Variants in BTRC observed in about 807,000 individuals in gnomAD.
The protein encoded by BTRC is F-box/WD repeat-containing protein 1A.
In BTRC, 42 loss-of-function variants were observed where a neutral mutation model predicts 85.5. The observed-to-expected ratio is 0.49, with a 90% CI of 0.38 to 0.64. The LOEUF is 0.64. BTRC is among the 30% of genes least tolerant of loss of function. The probability of loss-of-function intolerance (pLI) is 0.00; values close to 1 mark genes in which losing one functional copy is unlikely to be tolerated. For missense variants in BTRC, 594 were observed against 743.5 expected, an observed-to-expected ratio of 0.80 and a Z score of 2.34; for synonymous variants, 255 against 263.3, an observed-to-expected ratio of 0.97 and a Z score of 0.30.
At chr10:101,471,633 A>C (rs1275138762) in intron 3 of BTRC, among the ~76,000 whole-genome samples, 1 of 152,180 alleles carries the variant, frequency 6.6e-6, no homozygotes, top group Admixed American at 6.5e-5. Flanking sequence ...TCTGTTTTCT[A>C]AAAGCACTTG....
chr10:101,429,418 C>G (rs1318181631), intron 1 of BTRC, among the ~76,000 whole-genome samples: 1 of 151,846 alleles, frequency 6.6e-6, no homozygotes, highest in Non-Finnish European at 1.5e-5. Flanking sequence ...TATATATGTA[C>G]ATTCTTAGGT....
chr10:101,394,877 G>A (rs1475353093), intron 1 of BTRC, among the ~76,000 whole-genome samples: 1 of 152,146 alleles, frequency 6.6e-6, no homozygotes, highest in Non-Finnish European at 1.5e-5. Flanking sequence ...TCTGCTTATA[G>A]CGGACAGCCC....
chr10:101,476,036 A>G (rs1052324374), intron 3 of BTRC, among the ~76,000 whole-genome samples: 2 of 150,172 alleles, frequency 1.3e-5, no homozygotes, highest in African/African-American at 4.9e-5. Flanking sequence ...CAAGGCTAAC[A>G]TCACCAGAAA....
intron 4 of BTRC, among the ~76,000 whole-genome samples, chr10:101,497,576 C>T (rs1347606231): frequency 2.6e-5 from 4 of 152,030 alleles, no homozygotes; most frequent in East Asian, 1.9e-4. Context: ...CATGGTGGTG[C>T]GCACCTGTAG....
At chr10:101,392,229 T>C (rs1589415440) in intron 1 of BTRC, among the ~76,000 whole-genome samples, 1 of 152,172 alleles carries the variant, frequency 6.6e-6, no homozygotes, top group Non-Finnish European at 1.5e-5. Flanking sequence ...CTGCCCGCCT[T>C]GGCCTCCCAA....
At chr10:101,389,351 A>C (rs552357603) in intron 1 of BTRC, among the ~76,000 whole-genome samples, 75 of 151,540 alleles carry the variant, frequency 4.9e-4, no homozygotes, top group African/African-American at 1.6e-3. Flanking sequence ...GGTTATTATC[A>C]TTTCTTTTAT....
chr10:101,532,256 G>A, intron 7 of BTRC, 39 bp from the exon 8 acceptor site: 1 of 1,579,842 alleles, frequency 6.3e-7, no homozygotes, highest in Non-Finnish European at 8.6e-7. Context: ...GATTCTAGGT[G>A]TTTCCTAACA....
At chr10:101,383,006 AC>A (rs1186114153) in intron 1 of BTRC, among the ~76,000 whole-genome samples, 1 of 151,820 alleles carries the variant, frequency 6.6e-6, no homozygotes, top group East Asian at 1.9e-4. Flanking sequence ...GCTTTTTGTA[AC>A]AAAAAGTATG....
At chr10:101,375,819 C>T (rs2133949929) in intron 1 of BTRC, among the ~76,000 whole-genome samples, 1 of 152,272 alleles carries the variant, frequency 6.6e-6, no homozygotes, top group South Asian at 2.1e-4. Context: ...ACTTGGTACG[C>T]CTAAAAAATT....
intron 13 of BTRC, among the ~76,000 whole-genome samples, chr10:101,546,507 T>C (rs567098371): frequency 6.6e-6 from 1 of 152,178 alleles, no homozygotes; most frequent in East Asian, 1.9e-4. Context: ...TAAATAAAAA[T>C]GAAAACACAG....
At chr10:101,402,528 T>C (rs1423313753) in intron 1 of BTRC, among the ~76,000 whole-genome samples, 1 of 152,210 alleles carries the variant, frequency 6.6e-6, no homozygotes, top group Non-Finnish European at 1.5e-5. Flanking sequence ...TTTAAAGGGA[T>C]TCTCATCCCT....
At chr10:101,532,750 ATGTGTGTGTGTGTGTGTGTG>A (rs71643587) in intron 8 of BTRC, among the ~76,000 whole-genome samples, 182 bp from the exon 9 acceptor site, 1 of 102,186 alleles carries the variant, frequency 9.8e-6, no homozygotes, top group Non-Finnish European at 1.9e-5. Context: ...CTGAAGCTAT[ATGTGTGTGTGTGTGTGTGTG>A]TGTGTGTGTG....
At chr10:101,407,088 T>C (rs1398034610) in intron 1 of BTRC, among the ~76,000 whole-genome samples, 2 of 152,156 alleles carry the variant, frequency 1.3e-5, no homozygotes, top group African/African-American at 4.8e-5. Context: ...CTGGGCAAGG[T>C]GGCTCATGCT....
chr10:101,534,412 A>G (rs2062352710), intron 9 of BTRC, among the ~76,000 whole-genome samples: 1 of 152,200 alleles, frequency 6.6e-6, no homozygotes, highest in African/African-American at 2.4e-5. Context: ...GAGAAGTTTT[A>G]CAGTCTTCAA....
At chr10:101,470,058 A>G (rs1055133988) in intron 3 of BTRC, among the ~76,000 whole-genome samples, 2 of 152,192 alleles carry the variant, frequency 1.3e-5, no homozygotes, top group African/African-American at 4.8e-5. Context: ...TTTGGTGAGC[A>G]TATGTTAAGT....
At position 101,517,669 on chromosome 10, in the gene BTRC, C is replaced by T. The variant is rs138902161; in HGVS notation, c.325-3970C>T. On this transcript the variant is annotated intron_variant, in intron 4 of 14. Transcript: ENST00000370187. Reference sequence around the variant, plus strand: ...TTTGTGATTATCCTTTAAAGAAATACTTTCTTCAGAGTAGCAAAAGTTTCT... The same window carrying T: ...TTTGTGATTATCCTTTAAAGAAATATTTTCTTCAGAGTAGCAAAAGTTTCT... Among the ~76,000 whole-genome samples the T allele has an allele frequency of 1.6e-3, 242 of 152,278 alleles. 6 individuals carry two copies. The East Asian group carries it at 0.039, about 25-fold the overall frequency.
At chr10:101,532,607 A>G (rs894962340) in intron 8 of BTRC, among the ~76,000 whole-genome samples, 175 bp downstream of exon 8, 4 of 152,310 alleles carry the variant, frequency 2.6e-5, no homozygotes, top group East Asian at 1.9e-4. Flanking sequence ...CAGCTTCCCC[A>G]CTATACAAAC....
intron 2 of BTRC, among the ~76,000 whole-genome samples, chr10:101,451,577 A>T (rs1323171721): frequency 6.6e-6 from 1 of 152,168 alleles, no homozygotes; most frequent in African/African-American, 2.4e-5. Flanking sequence ...GTGTTTTAAG[A>T]ATGTGTGCTG....
At position 101,367,053 on chromosome 10, in the gene BTRC, T is replaced by TAA. The variant is rs1564730933; in HGVS notation, c.48+12826_48+12827insAA. On this transcript the variant is annotated intron_variant, in intron 1 of 14. Coordinates refer to ENST00000370187, the MANE Select transcript of BTRC (RefSeq NM_033637.4). Reference sequence around the variant, plus strand: ...ATATTTATATATATAAATATATATATATATAAATATAAATATATATATATA... The same window carrying TAA: ...ATATTTATATATATAAATATATATATAAATATAAATATAAATATATATATATA... 1.9e-4 allele frequency among the ~76,000 whole-genome samples: 14 copies of TAA among 74,134 alleles called. 1 individual carries two copies. The highest frequency in any genetic ancestry group is 5.3e-4 in the African/African-American group (13 of 24,390). 48.6% of individuals were successfully genotyped at this position (74,134 alleles called of 152,430 possible). A position where few individuals can be genotyped will look rare whatever the true frequency, so the allele number is the denominator to read the frequency against.
Sources: gnomAD v4.1 joint callset for allele counts (sites outside exome capture counted in the v4.1 genomes callset) on GRCh38, gnomAD v4.1.1 for gene constraint, MANE v1.5 for transcripts, NCBI Gene and HGNC (gene_info 2026-07-23, HGNC 2026-07-21) for gene names.